VWA3B: variants seen among roughly 807,000 people sequenced by gnomAD.
The protein encoded by VWA3B is von Willebrand factor A domain containing 3B.
VWA3B carries 138 observed loss-of-function variants against 158.3 expected under a neutral mutation model. The observed-to-expected ratio is 0.87, with a 90% CI of 0.76 to 1.00. VWA3B has a LOEUF of 1.00. Among genes scored for constraint, VWA3B ranks in the 50% least tolerant of loss-of-function variants. The pLI is 0.00. For synonymous variants in VWA3B, 596 were observed against 587.3 expected, an observed-to-expected ratio of 1.01 and a Z score of -0.21; for missense variants, 1,555 against 1,565.1, an observed-to-expected ratio of 0.99 and a Z score of 0.11.
chr2:98,176,083 A>C (rs545546883), intron 8 of VWA3B, among the ~76,000 whole-genome samples: 1 of 152,160 alleles, frequency 6.6e-6, no homozygotes, highest in East Asian at 1.9e-4. Context: ...TTACCTTCAG[A>C]GAACCCACAG....
chr2:98,101,003 T>C (rs539808910), intron 2 of VWA3B, among the ~76,000 whole-genome samples: 1 of 152,332 alleles, frequency 6.6e-6, no homozygotes, highest in African/African-American at 2.4e-5. Flanking sequence ...ATCTCTGTTC[T>C]TTCTTTTTTA....
At chr2:98,301,310 C>G (rs958173191) in intron 25 of VWA3B, among the ~76,000 whole-genome samples, 1 of 143,796 alleles carries the variant, frequency 7.0e-6, no homozygotes, top group Non-Finnish European at 1.5e-5. Flanking sequence ...AAAAACAAAA[C>G]AAAAAAAAAA....
chr2:98,237,702 C>T (rs1451297141), intron 19 of VWA3B, among the ~76,000 whole-genome samples: 4 of 152,176 alleles, frequency 2.6e-5, no homozygotes, highest in Non-Finnish European at 5.9e-5. Flanking sequence ...TCAGTGCTTC[C>T]AGGCAAATAC....
chr2:98,130,435 G>A (rs1675768715), intron 6 of VWA3B, among the ~76,000 whole-genome samples: 1 of 152,118 alleles, frequency 6.6e-6, no homozygotes, highest in Non-Finnish European at 1.5e-5. Flanking sequence ...TGGGCTGGGG[G>A]ACAGTCAGGT....
At chr2:98,285,554 T>C (rs998989631) in intron 22 of VWA3B, among the ~76,000 whole-genome samples, 1 of 151,958 alleles carries the variant, frequency 6.6e-6, no homozygotes, top group Admixed American at 6.6e-5. Context: ...ATCAATTGAC[T>C]ATAAATATAA....
intron 16 of VWA3B, among the ~76,000 whole-genome samples, chr2:98,231,276 T>C (rs2105705067): frequency 6.6e-6 from 1 of 152,336 alleles, no homozygotes; most frequent in African/African-American, 2.4e-5. Flanking sequence ...TATACAAGCA[T>C]ATTCTAAAAT....
At chr2:98,277,653 T>C (rs1033853603) in intron 22 of VWA3B, among the ~76,000 whole-genome samples, 58 of 152,182 alleles carry the variant, frequency 3.8e-4, no homozygotes, top group African/African-American at 1.4e-3. Flanking sequence ...GCCTATGGCC[T>C]TCAGGGGTGG....
At chr2:98,131,044 G>C (rs946959681) in intron 6 of VWA3B, among the ~76,000 whole-genome samples, 2 of 152,082 alleles carry the variant, frequency 1.3e-5, no homozygotes, top group Non-Finnish European at 2.9e-5. Flanking sequence ...CTCACTGTAT[G>C]AACCTACTCC....
intron 1 of VWA3B, among the ~76,000 whole-genome samples, chr2:98,088,795 C>T (rs1307557683): frequency 6.6e-6 from 1 of 152,038 alleles, no homozygotes; most frequent in Non-Finnish European, 1.5e-5. Context: ...GCTCTGTCCC[C>T]CAGGCTGGAG....
chr2:98,251,623 C>T (rs1008516987), intron 20 of VWA3B, among the ~76,000 whole-genome samples: 6 of 152,152 alleles, frequency 3.9e-5, no homozygotes, highest in South Asian at 2.1e-4. Flanking sequence ...TGCCACCATG[C>T]GGGTGGGTGA....
At chr2:98,274,144 G>C (rs1373089525) in intron 22 of VWA3B, among the ~76,000 whole-genome samples, 2 of 152,142 alleles carry the variant, frequency 1.3e-5, no homozygotes, top group Non-Finnish European at 2.9e-5. Context: ...TCTCCCAGGG[G>C]GATACCTTAT....
intron 13 of VWA3B, chr2:98,216,982 A>ACCCCCCCCCCCCCC (rs139373261): frequency 5.7e-6 from 7 of 1,237,154 alleles, no homozygotes; most frequent in African/African-American, 1.6e-5. Flanking sequence ...CATTGTAAGC[A>ACCCCCCCCCCCCCC]CCCGCCCCGC....
chr2:98,135,594 C>A (rs1467837626), intron 7 of VWA3B, among the ~76,000 whole-genome samples: 2 of 152,104 alleles, frequency 1.3e-5, no homozygotes, highest in East Asian at 3.9e-4. Flanking sequence ...CTCGGCCTCC[C>A]AAAGTGCTGG....
chr2:98,089,825 TA>T (rs1682147884), intron 1 of VWA3B, among the ~76,000 whole-genome samples: 1 of 152,014 alleles, frequency 6.6e-6, no homozygotes, highest in African/African-American at 2.4e-5. Context: ...ACACTTTTTT[TA>T]AAAATTAATT....
chr2:98,141,432 G>T (rs1172189863), intron 7 of VWA3B, among the ~76,000 whole-genome samples: 1 of 152,132 alleles, frequency 6.6e-6, no homozygotes, highest in African/African-American at 2.4e-5. Flanking sequence ...AGTGCATTAC[G>T]TGGAGAGAGA....
intron 2 of VWA3B, 59 bp downstream of exon 2, chr2:98,093,347 G>C (rs1175185546): frequency 3.2e-6 from 5 of 1,573,258 alleles, no homozygotes; most frequent in Non-Finnish European, 4.3e-6. Context: ...GGAGGTGGCT[G>C]CATCAGCTCT....
chr2:98,281,624 C>G (rs1359636590), intron 22 of VWA3B, among the ~76,000 whole-genome samples: 1 of 152,132 alleles, frequency 6.6e-6, no homozygotes, highest in Non-Finnish European at 1.5e-5. Context: ...TTTAAAGCAT[C>G]AAACCTTTAG....
chr2:98,254,153 G>C (rs560848455), intron 20 of VWA3B, among the ~76,000 whole-genome samples: 1 of 152,146 alleles, frequency 6.6e-6, no homozygotes, highest in Non-Finnish European at 1.5e-5. Flanking sequence ...TGAGCTATTC[G>C]TGATCACTTT....
At chr2:98,135,381 G>A (rs908976701) in intron 7 of VWA3B, among the ~76,000 whole-genome samples, 6 of 124,066 alleles carry the variant, frequency 4.8e-5, no homozygotes, top group South Asian at 2.7e-4. Flanking sequence ...TGTCGCCCAG[G>A]CTGGAGTGCA....
Sources: gnomAD v4.1 joint callset for allele counts (sites outside exome capture counted in the v4.1 genomes callset) on GRCh38, gnomAD v4.1.1 for gene constraint, MANE v1.5 for transcripts, NCBI Gene and HGNC (gene_info 2026-07-23, HGNC 2026-07-21) for gene names.